The following LPIN2 variants were observed in gnomAD, a reference collection of about 807,000 sequenced individuals.
LPIN2 encodes lipin 2.
LPIN2 carries 55 observed loss-of-function variants against 111.4 expected under a neutral mutation model. That is an observed-to-expected ratio of 0.49 (90% CI 0.40 to 0.62). The LOEUF (loss-of-function observed/expected upper bound fraction) is 0.62. Among genes scored for constraint, LPIN2 ranks in the 20% least tolerant of loss-of-function variants. LPIN2 has a pLI of 0.00. For synonymous variants in LPIN2, 425 were observed against 414.0 expected (o/e 1.03, Z -0.32); for missense variants, 992 against 1,112.1 (o/e 0.89, Z 1.54).
intron 4 of LPIN2, chr18:2,945,640 A>G: frequency 6.8e-7 from 1 of 1,469,172 alleles, no homozygotes; most frequent in Non-Finnish European, 9.5e-7. Flanking sequence ...TCTCATAGTG[A>G]TTTCAATCTT....
intron 1 of LPIN2, among the ~76,000 whole-genome samples, chr18:3,012,495 TG>T (rs11338269): frequency 0.63 from 96,493 of 152,048 alleles, 32,345 homozygotes; most frequent in East Asian, 0.95. Context: ...CACCGGGGGC[TG>T]GGGGGCTTTG....
Position 2,960,857 on chromosome 18 carries a change from A to T in LPIN2, c.-9-8T>A. The T allele has an allele frequency of 6.2e-7, 1 of 1,610,056 alleles. No individual in the cohort carries two copies. Among genetic ancestry groups the T allele is most frequent in the Non-Finnish European group, 8.5e-7 (1 of 1,177,512 alleles). On this transcript the variant is annotated splice_polypyrimidine_tract_variant and splice_region_variant and intron_variant, in intron 1 of 19. Transcript: ENST00000677752. ...ATAATTCATGGTTTGAGACTACAAG[A>T]AACAAAAATTAGATGAGATGTTAAC...
chr18:2,923,876 G>C lies in LPIN2; in HGVS notation c.2088-15C>G. 1.9e-6 allele frequency: 3 copies of C among 1,608,932 alleles called. No homozygotes were observed. Among genetic ancestry groups the C allele is most frequent in the Non-Finnish European group, 1.7e-6 (2 of 1,175,320 alleles). ...AAGCATCCGACCTAAGAAGACGGTA[G>C]AAACAGGAAAAGCTATCAGGAATCA... On this transcript the variant is annotated splice_polypyrimidine_tract_variant and intron_variant, in intron 15 of 19. Transcript: ENST00000677752.
intron 1 of LPIN2, among the ~76,000 whole-genome samples, chr18:3,001,777 G>A (rs2078439226): frequency 1.3e-5 from 2 of 152,004 alleles, no homozygotes; most frequent in South Asian, 4.2e-4. Context: ...GTACTTAAAT[G>A]TTTAAATTAC....
intron 1 of LPIN2, among the ~76,000 whole-genome samples, chr18:2,986,810 A>G (rs895662388): frequency 6.6e-6 from 1 of 152,216 alleles, no homozygotes; most frequent in African/African-American, 2.4e-5. Context: ...GAACATTAAG[A>G]GAGTAAAGCT....
intron 1 of LPIN2, among the ~76,000 whole-genome samples, chr18:2,981,507 G>T (rs2078109857): frequency 6.6e-6 from 1 of 152,170 alleles, no homozygotes; most frequent in Non-Finnish European, 1.5e-5. Context: ...TCCTGTGAGG[G>T]AGAGTTTATG....
intron 4 of LPIN2, among the ~76,000 whole-genome samples, chr18:2,943,699 G>A (rs2077400987): frequency 6.6e-6 from 1 of 152,086 alleles, no homozygotes; most frequent in African/African-American, 2.4e-5. Flanking sequence ...AATATAACTT[G>A]AAAAATTTTA....
intron 2 of LPIN2, among the ~76,000 whole-genome samples, chr18:2,958,156 A>AAAAAAAAAAAAAAAAAAAAAG (rs2077646044): frequency 2.0e-5 from 1 of 50,514 alleles, no homozygotes; most frequent in African/African-American, 7.0e-5. Context: ...AAAAAAAAAA[A>AAAAAAAAAAAAAAAAAAAAAG]ACAACAAAAA....
At chr18:2,976,594 T>G (rs1401306420) in intron 1 of LPIN2, among the ~76,000 whole-genome samples, 1 of 152,214 alleles carries the variant, frequency 6.6e-6, no homozygotes, top group Non-Finnish European at 1.5e-5. Context: ...GTTTAACAGC[T>G]TCCCTGGGCA....
chr18:3,011,364 T>C (rs1322780924), intron 1 of LPIN2, among the ~76,000 whole-genome samples: 2 of 152,188 alleles, frequency 1.3e-5, no homozygotes, highest in African/African-American at 2.4e-5. Context: ...TTTCTATGGC[T>C]ACCTCTATCA....
chr18:2,923,976 G>A lies in LPIN2; in HGVS notation c.2088-115C>T, dbSNP rs2077094388. 3.5e-6 allele frequency: 3 copies of A among 848,912 alleles called. No homozygotes were observed. The Admixed American group carries it at 5.7e-5, about 16-fold the overall frequency. The allele number at this position is 848,912 out of a possible 1,614,324, so 52.6% of individuals were successfully genotyped here. On this transcript the variant is annotated intron_variant, in intron 15 of 19. Transcript: ENST00000677752. ...AATTGGTGGCGGGACACTCTTGAAA[G>A]GGGATTTAATCACAGCTTCAAGCAA... is the stretch of plus-strand genomic sequence containing the variant.
chr18:2,997,761 A>G (rs1332551135), intron 1 of LPIN2, among the ~76,000 whole-genome samples: 1 of 152,252 alleles, frequency 6.6e-6, no homozygotes, highest in African/African-American at 2.4e-5. Context: ...TCACAGAAGT[A>G]GCAGGAGGAT....
chr18:2,991,871 G>A (rs1190569039), intron 1 of LPIN2, among the ~76,000 whole-genome samples: 2 of 151,996 alleles, frequency 1.3e-5, no homozygotes, highest in Admixed American at 1.3e-4. Context: ...TTAGCTGGGC[G>A]TGGTGGCGTG....
chr18:2,978,188 T>C (rs539778057), intron 1 of LPIN2, among the ~76,000 whole-genome samples: 1 of 151,516 alleles, frequency 6.6e-6, no homozygotes, highest in South Asian at 2.1e-4. Flanking sequence ...CTCTGTCTTT[T>C]AAAAAATAAA....
rs2077007640 is a variant in LPIN2, at chr18:2,918,857, G to T, written c.*1436C>A. The T allele has an allele frequency of 6.6e-6, 1 of 152,154 alleles. No homozygotes were observed. The highest frequency in any genetic ancestry group is 2.4e-5 in the African/African-American group (1 of 41,430). The allele number at this position is 152,154 out of a possible 1,614,324, so 9.4% of individuals were successfully genotyped here. Reference sequence around the variant, plus strand: ...GTAGAGGTTCCACTACAACGGCAGGGGCATGAAGAGTTGGCCACGAGACCA... The same window carrying T: ...GTAGAGGTTCCACTACAACGGCAGGTGCATGAAGAGTTGGCCACGAGACCA... On this transcript the variant is annotated 3_prime_UTR_variant, in exon 20 of 20. Transcript: ENST00000677752.
At chr18:2,971,669 TAC>T (rs1292053256) in intron 1 of LPIN2, among the ~76,000 whole-genome samples, 3 of 150,578 alleles carry the variant, frequency 2.0e-5, no homozygotes, top group South Asian at 2.1e-4. Flanking sequence ...GGGAGAAATA[TAC>T]ACAGTGTTGC....
At chr18:3,009,436 T>C (rs1017050827) in intron 1 of LPIN2, among the ~76,000 whole-genome samples, 2 of 151,142 alleles carry the variant, frequency 1.3e-5, no homozygotes, top group African/African-American at 2.5e-5. Context: ...ATAAGTACCA[T>C]TTTTTGTTTG....
chr18:2,923,858 C>G lies in LPIN2; in HGVS notation c.2091G>C (p.Ser697=), dbSNP rs767788156. ...GTGGGAGAATCTGTCCCAAAGCATCCGACCTAAGAAGACGGTAGAAACAGG... is the reference window on the plus strand; with the variant it reads ...GTGGGAGAATCTGTCCCAAAGCATCGGACCTAAGAAGACGGTAGAAACAGG... The part of the protein sequence containing the change: ...ISDIDGTITK[S]DALGQILPQL... Residue 697 remains serine, a synonymous_variant, in exon 16 of 20, where the codon TCG becomes TCC. Coordinates refer to ENST00000677752, the MANE Select transcript of LPIN2 (RefSeq NM_001375808.2). 1 of 1,613,822 alleles carries G rather than the reference C, an allele frequency of 6.2e-7. No homozygotes were observed. Among genetic ancestry groups the G allele is most frequent in the Non-Finnish European group, 8.5e-7 (1 of 1,179,732 alleles).
intron 4 of LPIN2, among the ~76,000 whole-genome samples, chr18:2,942,085 T>TATTTTTTAGATAGAAAA (rs1568544694): frequency 2.6e-4 from 40 of 152,344 alleles, no homozygotes; most frequent in African/African-American, 9.4e-4. Flanking sequence ...AAAACCAGGT[T>TATTTTTTAGATAGAAAA]CTTTTTTAAT....
Sources: allele counts gnomAD v4.1 joint callset (sites outside exome capture counted in the v4.1 genomes callset), GRCh38; gene constraint gnomAD v4.1.1; transcripts MANE v1.5; gene names NCBI Gene and HGNC (gene_info 2026-07-23, HGNC 2026-07-21).